Variants in LMAN1 observed in about 807,000 individuals in gnomAD.
LMAN1 encodes the protein protein ERGIC-53.
LMAN1 carries 32 observed loss-of-function variants against 67.8 expected under a neutral mutation model. That is an observed-to-expected ratio of 0.47 (90% CI 0.36 to 0.63). The LOEUF (loss-of-function observed/expected upper bound fraction) is 0.63. LMAN1 is among the 30% of genes least tolerant of loss of function. The pLI is 0.00. For missense variants in LMAN1, 632 were observed against 628.2 expected (o/e 1.01, Z -0.06); for synonymous variants, 235 against 219.3 (o/e 1.07, Z -0.63).
At chr18:59,338,497 G>C in intron 10 of LMAN1, 60 bp downstream of exon 10, 1 of 1,375,980 alleles carries the variant, frequency 7.3e-7, no homozygotes, top group South Asian at 1.2e-5. Context: ...CACACCTGAA[G>C]TCACAAATTT....
chr18:59,350,787 G>A (rs1183142795), intron 5 of LMAN1, among the ~76,000 whole-genome samples: 2 of 152,070 alleles, frequency 1.3e-5, no homozygotes, highest in South Asian at 2.1e-4. Context: ...GAGCCACCGC[G>A]CCCGGCCCCA....
chr18:59,348,122 A>C (rs1212995813), intron 6 of LMAN1, among the ~76,000 whole-genome samples: 2 of 152,256 alleles, frequency 1.3e-5, no homozygotes, highest in Non-Finnish European at 2.9e-5. Context: ...CATATCAAAA[A>C]ATCAAATTCA....
rs750016137 is a variant in LMAN1 at position 59,359,239 on chromosome 18, C to A, written c.6G>T (p.Ala2=). The A allele has an allele frequency of 6.2e-7, 1 of 1,613,708 alleles. No individual in the cohort carries two copies. Among genetic ancestry groups the A allele is most frequent in the Non-Finnish European group, 8.5e-7 (1 of 1,179,718 alleles). The change falls in exon 1 of 13, where the codon GCG becomes GCT. Residue 2 remains alanine, a synonymous_variant. Transcript: ENST00000251047. ...CCCGGAGACCCCTTTGCCTGGATCC[C>A]GCCATCTTGGATTCTGGAACGCGGA... is the stretch of plus-strand genomic sequence containing the variant. The part of the protein sequence containing the change: M[A]GSRQRGLRAR...
chr18:59,354,510 C>A lies in LMAN1; in HGVS notation c.539+9G>T. 1 of 1,450,122 alleles carries A rather than the reference C, an allele frequency of 6.9e-7. No individual in the cohort carries two copies. Among genetic ancestry groups the A allele is most frequent in the Non-Finnish European group, 9.7e-7 (1 of 1,031,136 alleles). 89.8% of individuals were successfully genotyped at this position (1,450,122 alleles called of 1,614,324 possible). A position where few individuals can be genotyped will look rare whatever the true frequency, so the allele number is the denominator to read the frequency against. On this transcript the variant is annotated intron_variant, in intron 4 of 12. Coordinates refer to ENST00000251047, the MANE Select transcript of LMAN1 (RefSeq NM_005570.4). Reference sequence around the variant, plus strand: ...GAAATCAGGAGTAATGTAAAAAACACACACTTACTTTTGATGGTCATAATG... The same window carrying A: ...GAAATCAGGAGTAATGTAAAAAACAAACACTTACTTTTGATGGTCATAATG...
intron 1 of LMAN1, 105 bp from the exon 2 acceptor site, chr18:59,355,763 CA>C: frequency 7.8e-7 from 1 of 1,288,246 alleles, no homozygotes; most frequent in Non-Finnish European, 1.1e-6. Flanking sequence ...GTAACCTGTA[CA>C]ATAATGATTT....
At position 59,337,609 on chromosome 18, in the gene LMAN1, G is replaced by A. The variant is rs146573123; in HGVS notation, c.1220+948C>T. Reference sequence around the variant, plus strand: ...ATAAAAAGATTTTTAAAAAGGTTGCGTTACATGATCCAGTCTATTTCTAAA... The same window carrying A: ...ATAAAAAGATTTTTAAAAAGGTTGCATTACATGATCCAGTCTATTTCTAAA... On this transcript the variant is annotated intron_variant, in intron 10 of 12. Coordinates refer to ENST00000251047, the MANE Select transcript of LMAN1 (RefSeq NM_005570.4). Among the ~76,000 whole-genome samples the A allele has an allele frequency of 8.9e-4, 135 of 152,208 alleles. 1 individual carries two copies. The highest frequency in any genetic ancestry group is 3.1e-3 in the African/African-American group (128 of 41,540).
intron 10 of LMAN1, chr18:59,333,485 G>C (rs1042735000): frequency 2.2e-6 from 1 of 448,974 alleles, no homozygotes; most frequent in Non-Finnish European, 4.0e-6. Flanking sequence ...ATACTACTAG[G>C]TAATCTGTGT....
chr18:59,332,950 C>T (rs775077188), intron 11 of LMAN1, 141 bp downstream of exon 11: 22 of 675,950 alleles, frequency 3.3e-5, no homozygotes, highest in Non-Finnish European at 5.2e-5. Flanking sequence ...ACATGGAGAT[C>T]TGCAATAAAT....
chr18:59,329,440 A>G lies in LMAN1; in HGVS notation c.*1653T>C, dbSNP rs8096438. Reference sequence around the variant, plus strand: ...TTAAATATTCCTCTGAAGGTATTTAATTTTTTTTCATGGAGCAAGAGTAAA... The same window carrying G: ...TTAAATATTCCTCTGAAGGTATTTAGTTTTTTTTCATGGAGCAAGAGTAAA... On this transcript the variant is annotated 3_prime_UTR_variant, in exon 13 of 13. Transcript: ENST00000251047. 2 of 151,996 alleles carry G rather than the reference A, an allele frequency of 1.3e-5. No homozygotes were observed. Among genetic ancestry groups the G allele is most frequent in the Admixed American group, 1.3e-4 (2 of 15,242 alleles). 9.4% of individuals were successfully genotyped at this position (151,996 alleles called of 1,614,324 possible).
At chr18:59,336,597 A>G (rs1908153171) in intron 10 of LMAN1, among the ~76,000 whole-genome samples, 1 of 152,214 alleles carries the variant, frequency 6.6e-6, no homozygotes, top group Non-Finnish European at 1.5e-5. Flanking sequence ...AAATATAAAC[A>G]TCGGGGCCAG....
At chr18:59,333,892 A>G (rs534932841) in intron 10 of LMAN1, among the ~76,000 whole-genome samples, 4 of 152,266 alleles carry the variant, frequency 2.6e-5, no homozygotes, top group African/African-American at 4.8e-5. Context: ...AAATAACACT[A>G]TATGTCAGAC....
intron 1 of LMAN1, among the ~76,000 whole-genome samples, chr18:59,357,494 CTTGTGTTTG>C (rs1908686039): frequency 6.6e-6 from 1 of 152,094 alleles, no homozygotes; most frequent in African/African-American, 2.4e-5. Flanking sequence ...ACTCCAAAAA[CTTGTGTTTG>C]ATATCATTTG....
chr18:59,347,005 C>T (rs910812566), intron 7 of LMAN1, among the ~76,000 whole-genome samples: 7 of 151,740 alleles, frequency 4.6e-5, no homozygotes, highest in Non-Finnish European at 1.0e-4. Context: ...CCAAGGCAGG[C>T]GGATCACAAG....
chr18:59,348,995 A>G, intron 6 of LMAN1, 118 bp downstream of exon 6: 1 of 1,206,728 alleles, frequency 8.3e-7, no homozygotes, highest in Non-Finnish European at 1.2e-6. Context: ...AGGTGATGGG[A>G]AAGTTCCAAA....
chr18:59,347,320 C>CAAAAAAAA (rs58932497), intron 7 of LMAN1, among the ~76,000 whole-genome samples, 193 bp downstream of exon 7: 19 of 70,350 alleles, frequency 2.7e-4, no homozygotes, highest in African/African-American at 6.3e-4. Flanking sequence ...GACTCCGTCT[C>CAAAAAAAA]AAAAAAAAAA....
chr18:59,333,406 A>G (rs1348603390), intron 10 of LMAN1, 162 bp from the exon 11 acceptor site: 2 of 607,184 alleles, frequency 3.3e-6, no homozygotes. Context: ...CAAAATTGGA[A>G]AATAATTTAT....
intron 5 of LMAN1, among the ~76,000 whole-genome samples, chr18:59,350,891 C>T (rs979315048): frequency 2.6e-5 from 4 of 152,154 alleles, no homozygotes; most frequent in Non-Finnish European, 5.9e-5. Flanking sequence ...TACAAACTGT[C>T]CACTGATTAT....
chr18:59,342,224 C>T (rs12953981), intron 8 of LMAN1, among the ~76,000 whole-genome samples: 109,402 of 151,856 alleles, frequency 0.72, 39,686 homozygotes, highest in African/African-American at 0.8. Context: ...ACTAGATGGA[C>T]TTATAGCTGA....
rs1908636128 is a variant in LMAN1, at chr18:59,355,346, T to G, written c.444A>C (p.Gly148=). ...FGSADLWNGV[G]IFFDSFDNDG... Reference sequence around the variant, plus strand: ...CATTGTCAAAAGAATCAAAAAATATTCCAACACCATTCCACAGATCAGCTG... The same window carrying G: ...CATTGTCAAAAGAATCAAAAAATATGCCAACACCATTCCACAGATCAGCTG... The change falls in exon 3 of 13, where the codon GGA becomes GGC. Residue 148 remains glycine, a synonymous_variant. Coordinates refer to ENST00000251047, the MANE Select transcript of LMAN1 (RefSeq NM_005570.4). 1.9e-6 allele frequency: 3 copies of G among 1,613,854 alleles called. No homozygotes were observed. The highest frequency in any genetic ancestry group is 3.3e-4 in the Middle Eastern group (2 of 6,062).
Sources: allele counts gnomAD v4.1 joint callset (sites outside exome capture counted in the v4.1 genomes callset), GRCh38; gene constraint gnomAD v4.1.1; transcripts MANE v1.5; gene names NCBI Gene and HGNC (gene_info 2026-07-23, HGNC 2026-07-21).